SCHIP1: variants seen among roughly 807,000 people sequenced by gnomAD.
The protein encoded by SCHIP1 is schwannomin interacting protein 1.
A neutral mutation model predicts 29.7 loss-of-function variants in SCHIP1; 8 were observed. The observed-to-expected ratio is 0.27, with a 90% CI of 0.16 to 0.49. The LOEUF (loss-of-function observed/expected upper bound fraction) is 0.49. Among genes scored for constraint, SCHIP1 ranks in the 20% least tolerant of loss-of-function variants. The probability of loss-of-function intolerance (pLI) is 0.99; values close to 1 mark genes in which losing one functional copy is unlikely to be tolerated. For synonymous variants in SCHIP1, 76 were observed against 94.9 expected (o/e 0.80, Z 1.16); for missense variants, 193 against 294.6 (o/e 0.66, Z 2.52).
At chr3:159,359,767 C>G in the SCHIP1 span, among the ~76,000 whole-genome samples, 12 of 152,110 alleles carry the variant, frequency 7.9e-5, no homozygotes, top group African/African-American at 2.9e-4. Flanking sequence ...CAGAAGGAAG[C>G]TCATGCTTTA....
chr3:159,859,979 GT>G (rs1713846032), intron 1 of SCHIP1, among the ~76,000 whole-genome samples: 1 of 133,194 alleles, frequency 7.5e-6, no homozygotes, highest in South Asian at 2.4e-4. Context: ...GTGACAGGGT[GT>G]GTGTGTGTGT....
rs991786365 is a variant in SCHIP1, at chr3:159,888,725, G to A, written c.466-95G>A. The A allele has an allele frequency of 2.9e-5, 45 of 1,527,116 alleles. No individual in the cohort carries two copies. The African/African-American group carries it at 5.2e-4, about 18-fold the overall frequency. The allele number at this position is 1,527,116 out of a possible 1,614,324, so 94.6% of individuals were successfully genotyped here. On this transcript the variant is annotated intron_variant, in intron 4 of 6. Transcript: ENST00000445224. ...TTTTAATCACTGAATTGCAGTGGGT[G>A]GGTGAGTGGGTCTTTTAAGAGAAAA...
At chr3:159,417,861 A>T in the SCHIP1 span, among the ~76,000 whole-genome samples, 3 of 152,184 alleles carry the variant, frequency 2.0e-5, no homozygotes, top group Non-Finnish European at 4.4e-5. Context: ...AATTTGTCTC[A>T]GCTCGCCTGC....
chr3:159,415,690 T>C, the SCHIP1 span, among the ~76,000 whole-genome samples: 1 of 152,344 alleles, frequency 6.6e-6, no homozygotes, highest in South Asian at 2.1e-4. Flanking sequence ...ACTCAATCTG[T>C]CACTGATGGG....
chr3:159,567,449 C>T, the SCHIP1 span, among the ~76,000 whole-genome samples: 1 of 152,048 alleles, frequency 6.6e-6, no homozygotes, highest in South Asian at 2.1e-4. Flanking sequence ...GATGGCCTAA[C>T]ATTTTAGTTT....
intron 1 of SCHIP1, among the ~76,000 whole-genome samples, chr3:159,864,319 T>A (rs752091088): frequency 1.1e-4 from 17 of 152,144 alleles, no homozygotes; most frequent in Non-Finnish European, 2.5e-4. Flanking sequence ...TAAAAGGCAT[T>A]CTTGCTTCCC....
chr3:159,617,698 G>A, the SCHIP1 span, among the ~76,000 whole-genome samples: 1 of 152,070 alleles, frequency 6.6e-6, no homozygotes, highest in African/African-American at 2.4e-5. Flanking sequence ...CATTTCTCCT[G>A]AAAACCATTT....
the SCHIP1 span, among the ~76,000 whole-genome samples, chr3:159,564,170 A>G: frequency 6.6e-6 from 1 of 152,166 alleles, no homozygotes; most frequent in Non-Finnish European, 1.5e-5. Context: ...CTGCACTCAC[A>G]TATACTTGCC....
the SCHIP1 span, among the ~76,000 whole-genome samples, chr3:159,825,153 A>C: frequency 6.6e-6 from 1 of 152,232 alleles, no homozygotes; most frequent in Admixed American, 6.5e-5. Context: ...TTCTGGAACT[A>C]AAGATTTATC....
At chr3:159,460,076 A>G in the SCHIP1 span, among the ~76,000 whole-genome samples, 1 of 152,120 alleles carries the variant, frequency 6.6e-6, no homozygotes, top group Non-Finnish European at 1.5e-5. Flanking sequence ...CTTCTCATCA[A>G]CTCTTACCAT....
the SCHIP1 span, among the ~76,000 whole-genome samples, chr3:159,713,222 G>GAAAGAAAGGA: frequency 3.0e-4 from 30 of 100,956 alleles, no homozygotes; most frequent in African/African-American, 1.1e-3. Flanking sequence ...GAGAGAGAGA[G>GAAAGAAAGGA]AGAAAGAAAG....
At chr3:159,565,753 T>C in the SCHIP1 span, among the ~76,000 whole-genome samples, 1 of 152,224 alleles carries the variant, frequency 6.6e-6, no homozygotes, top group Non-Finnish European at 1.5e-5. Flanking sequence ...CTTTCCTTCA[T>C]TTTAGGCTTT....
At chr3:159,714,172 G>T in the SCHIP1 span, among the ~76,000 whole-genome samples, 1 of 152,138 alleles carries the variant, frequency 6.6e-6, no homozygotes, top group Admixed American at 6.5e-5. Flanking sequence ...AGGAGGCAGG[G>T]TTGCAGTGAG....
At chr3:159,333,886 G>T in the SCHIP1 span, among the ~76,000 whole-genome samples, 1 of 152,090 alleles carries the variant, frequency 6.6e-6, no homozygotes, top group African/African-American at 2.4e-5. Context: ...TTAATCTTTA[G>T]TCCTAATGGG....
the SCHIP1 span, among the ~76,000 whole-genome samples, chr3:159,519,777 C>G: frequency 6.6e-6 from 1 of 151,362 alleles, no homozygotes; most frequent in East Asian, 1.9e-4. Flanking sequence ...TGAGCACTAG[C>G]TGTTGGGGGT....
chr3:159,716,117 T>G, the SCHIP1 span, among the ~76,000 whole-genome samples: 2 of 152,188 alleles, frequency 1.3e-5, no homozygotes, highest in African/African-American at 4.8e-5. Context: ...AAGAAAAGAA[T>G]TTTCAACCCA....
At chr3:159,889,075 T>C in intron 5 of SCHIP1, 132 bp downstream of exon 6, 1 of 1,247,666 alleles carries the variant, frequency 8.0e-7, no homozygotes, top group Admixed American at 3.0e-5. Context: ...AATAAGAGAA[T>C]CACAAGGCTC....
At chr3:159,601,253 C>T in the SCHIP1 span, among the ~76,000 whole-genome samples, 1 of 152,294 alleles carries the variant, frequency 6.6e-6, no homozygotes, top group South Asian at 2.1e-4. Flanking sequence ...GGACTACCCT[C>T]TGGGTCTTGA....
the SCHIP1 span, chr3:159,306,478 A>T: frequency 4.8e-6 from 1 of 208,266 alleles, no homozygotes; most frequent in Non-Finnish European, 8.4e-6. Flanking sequence ...CCTGCAATAC[A>T]TTTTTATCCA....
Sources: gnomAD v4.1 joint callset for allele counts (sites outside exome capture counted in the v4.1 genomes callset) on GRCh38, gnomAD v4.1.1 for gene constraint, MANE v1.5 for transcripts, NCBI Gene and HGNC (gene_info 2026-07-23, HGNC 2026-07-21) for gene names.